The following FBXL5 variants were observed in gnomAD, a reference collection of about 807,000 sequenced individuals.
FBXL5 encodes F-box and leucine rich repeat protein 5, also known as F-box/LRR-repeat protein 5.
In FBXL5, 26 loss-of-function variants were observed where a neutral mutation model predicts 78.3. The observed-to-expected ratio is 0.33, with a 90% CI of 0.24 to 0.46. FBXL5 has a LOEUF of 0.46. Among genes scored for constraint, FBXL5 ranks in the 20% least tolerant of loss-of-function variants. FBXL5 has a pLI of 1.00. For missense variants in FBXL5, 710 were observed against 829.2 expected (o/e 0.86, Z 1.77); for synonymous variants, 295 against 282.5 (o/e 1.04, Z -0.45).
At chr4:15,634,570 T>A (rs1363305060) in intron 5 of FBXL5, among the ~76,000 whole-genome samples, 1 of 152,122 alleles carries the variant, frequency 6.6e-6, no homozygotes, top group Admixed American at 6.5e-5. Flanking sequence ...TTTCACCATG[T>A]TGGCCAGGCT....
intron 1 of FBXL5, among the ~76,000 whole-genome samples, chr4:15,650,170 C>T (rs143095843): frequency 1.3e-5 from 2 of 152,124 alleles, no homozygotes; most frequent in Non-Finnish European, 2.9e-5. Context: ...AGGGATGTGG[C>T]TAAACATCCT....
chr4:15,676,745 G>A (rs192169121), intron 1 of FBXL5, among the ~76,000 whole-genome samples: 181 of 151,958 alleles, frequency 1.2e-3, no homozygotes, highest in African/African-American at 4.3e-3. Context: ...TGGGTTGTTG[G>A]GTTCATTATA....
intron 1 of FBXL5, among the ~76,000 whole-genome samples, chr4:15,654,970 A>G (rs1391127288): frequency 1.3e-5 from 2 of 151,390 alleles, no homozygotes; most frequent in East Asian, 3.9e-4. Flanking sequence ...TCGGCAGGGG[A>G]CGCCGCCCGC....
chr4:15,631,275 A>T (rs1002040252), intron 5 of FBXL5, among the ~76,000 whole-genome samples: 1 of 152,182 alleles, frequency 6.6e-6, no homozygotes, highest in African/African-American at 2.4e-5. Flanking sequence ...GCATAGTATT[A>T]CATGGTGTAT....
intron 1 of FBXL5, among the ~76,000 whole-genome samples, chr4:15,668,399 A>T (rs1379870178): frequency 6.6e-6 from 1 of 152,056 alleles, no homozygotes; most frequent in Non-Finnish European, 1.5e-5. Flanking sequence ...AAGTGACAAA[A>T]CAGAGAAAAG....
chr4:15,674,931 G>C (rs1717926923), intron 1 of FBXL5, among the ~76,000 whole-genome samples: 1 of 152,240 alleles, frequency 6.6e-6, no homozygotes, highest in East Asian at 1.9e-4. Flanking sequence ...TTACAGGCAC[G>C]AGCCACCGCA....
chr4:15,658,305 A>G (rs1013527115), upstream of FBXL5, among the ~76,000 whole-genome samples: 4 of 152,214 alleles, frequency 2.6e-5, no homozygotes, highest in Admixed American at 2.6e-4. Context: ...CTGTCCATCA[A>G]AATAGTCAAT....
chr4:15,613,747 TTCTCTAAGTGTGTCC>T (rs1722429672), intron 9 of FBXL5, among the ~76,000 whole-genome samples: 1 of 152,186 alleles, frequency 6.6e-6, no homozygotes, highest in South Asian at 2.1e-4. Flanking sequence ...TATTTTGCAT[TTCTCTAAGTGTGTCC>T]TTCATTTCCA....
At position 15,620,795 on chromosome 4, in the gene FBXL5, C is replaced by T. The variant is rs566360658; in HGVS notation, c.1850+4457G>A. On this transcript the variant is annotated intron_variant, in intron 9 of 10. Coordinates refer to ENST00000341285, the MANE Select transcript of FBXL5 (RefSeq NM_012161.4). ...CAAAGAACACCTGGCCCGCCCAGGG[C>T]GGAAAACCACTTAAAGGTATTCTTA... Among the ~76,000 whole-genome samples, 5 of 152,346 alleles carry T rather than the reference C, an allele frequency of 3.3e-5. No individual in the cohort carries two copies. In the East Asian group the frequency reaches 7.7e-4, roughly 24 times the overall value.
chr4:15,648,095 G>A (rs970114459), intron 1 of FBXL5, among the ~76,000 whole-genome samples: 12 of 152,220 alleles, frequency 7.9e-5, no homozygotes, highest in Middle Eastern at 3.4e-3. Flanking sequence ...GGCTTCAAGC[G>A]ATCCTCCTGA....
chr4:15,655,394 G>C (rs1235993967), upstream of FBXL5: 52 of 1,034,924 alleles, frequency 5.0e-5, no homozygotes, highest in Non-Finnish European at 5.8e-5. Flanking sequence ...CGCCCGCCCC[G>C]TCGGCGCGCG....
chr4:15,658,937 G>A (rs753694320), upstream of FBXL5, among the ~76,000 whole-genome samples: 8 of 152,184 alleles, frequency 5.3e-5, no homozygotes, highest in East Asian at 3.8e-4. Flanking sequence ...GCAGGAGCTT[G>A]AGATATAAAG....
In FBXL5 at chr4:15,635,761, G is replaced by GAAAAAAAAAAAAAAAAAAAAAAA. The variant is rs71649918; in HGVS notation, c.766+732_766+733insTTTTTTTTTTTTTTTTTTTTTTT. Among the ~76,000 whole-genome samples the GAAAAAAAAAAAAAAAAAAAAAAA allele has an allele frequency of 3.3e-5, 4 of 120,626 alleles. 1 individual carries two copies. The highest frequency in any genetic ancestry group is 6.7e-5 in the Non-Finnish European group (4 of 59,552). 79.1% of individuals were successfully genotyped at this position (120,626 alleles called of 152,430 possible). On this transcript the variant is annotated intron_variant, in intron 5 of 10. Coordinates refer to ENST00000341285, the MANE Select transcript of FBXL5 (RefSeq NM_012161.4). ...TGAGCGAAACTCTGCCTCAAAAAAA[G>GAAAAAAAAAAAAAAAAAAAAAAA]AAAAAAAAAAAAAAAAAACTCACCT...
chr4:15,679,995 C>G (rs1002565465), intron 1 of FBXL5, among the ~76,000 whole-genome samples: 7 of 152,126 alleles, frequency 4.6e-5, no homozygotes, highest in Admixed American at 3.9e-4. Context: ...CGCCAAGTGT[C>G]CACCTACGCG....
intron 1 of FBXL5, among the ~76,000 whole-genome samples, chr4:15,665,536 C>T (rs946480155): frequency 6.6e-6 from 1 of 152,174 alleles, no homozygotes; most frequent in Non-Finnish European, 1.5e-5. Context: ...GAATGCTAAA[C>T]ACCCACAGCT....
chr4:15,658,029 T>C (rs1717096160), upstream of FBXL5, among the ~76,000 whole-genome samples: 1 of 152,226 alleles, frequency 6.6e-6, no homozygotes, highest in African/African-American at 2.4e-5. Context: ...TTACCTACTC[T>C]CATTCTCTCT....
At chr4:15,653,821 C>T (rs369252633) in intron 1 of FBXL5, among the ~76,000 whole-genome samples, 1 of 152,218 alleles carries the variant, frequency 6.6e-6, no homozygotes, top group Non-Finnish European at 1.5e-5. Flanking sequence ...CCCTCAGCTG[C>T]ATACTGCACT....
chr4:15,667,005 A>G (rs1717575492), intron 1 of FBXL5, among the ~76,000 whole-genome samples: 1 of 150,544 alleles, frequency 6.6e-6, no homozygotes, highest in South Asian at 2.1e-4. Flanking sequence ...ATCAATCAAA[A>G]TAATCGTAAT....
chr4:15,647,983 G>A (rs899563050), intron 1 of FBXL5, among the ~76,000 whole-genome samples: 1 of 152,096 alleles, frequency 6.6e-6, no homozygotes, highest in African/African-American at 2.4e-5. Context: ...TCAGCCTTCC[G>A]AATAGCTGGA....
Sources: gnomAD v4.1 joint callset for allele counts (sites outside exome capture counted in the v4.1 genomes callset) on GRCh38, gnomAD v4.1.1 for gene constraint, MANE v1.5 for transcripts, NCBI Gene and HGNC (gene_info 2026-07-23, HGNC 2026-07-21) for gene names.